ARHGEF18: variants seen among roughly 807,000 people sequenced by gnomAD.
ARHGEF18 encodes the protein Rho/Rac guanine nucleotide exchange factor 18.
A neutral mutation model predicts 155.7 loss-of-function variants in ARHGEF18; 93 were observed. The observed-to-expected ratio is 0.60, with a 90% CI of 0.50 to 0.71. ARHGEF18 has a LOEUF of 0.71. Ranked by LOEUF, ARHGEF18 falls within the 30% of genes least tolerant of loss-of-function variation. The pLI is 0.00. For synonymous variants in ARHGEF18, 742 were observed against 753.1 expected, an observed-to-expected ratio of 0.99 and a Z score of 0.24; for missense variants, 1,593 against 1,816.1, an observed-to-expected ratio of 0.88 and a Z score of 2.23.
chr19:7,429,052 G>T (rs1350129706), intron 10 of ARHGEF18, among the ~76,000 whole-genome samples: 2 of 152,244 alleles, frequency 1.3e-5, no homozygotes, highest in African/African-American at 4.8e-5. Context: ...ACGCCATGCA[G>T]AAGGACTCTG....
chr19:7,401,442 C>T (rs549965136), intron 10 of ARHGEF18, among the ~76,000 whole-genome samples: 3 of 152,282 alleles, frequency 2.0e-5, no homozygotes, highest in African/African-American at 7.2e-5. Flanking sequence ...CACACCATCA[C>T]GCCTGGCTAA....
chr19:7,391,315 C>G (rs1568291343), intron 10 of ARHGEF18, among the ~76,000 whole-genome samples: 1 of 152,156 alleles, frequency 6.6e-6, no homozygotes, highest in Non-Finnish European at 1.5e-5. Flanking sequence ...GTTAAACAAA[C>G]AGAACAGAGA....
chr19:7,389,171 G>C (rs940292558), intron 10 of ARHGEF18, among the ~76,000 whole-genome samples: 2 of 145,518 alleles, frequency 1.4e-5, no homozygotes, highest in African/African-American at 5.1e-5. Flanking sequence ...TTTTTTTTGA[G>C]ACAGAGTCTC....
Position 7,467,502 on chromosome 19 carries a change from G to A in ARHGEF18, c.3298G>A (p.Glu1100Lys), listed in dbSNP as rs994341440. The change falls in exon 26 of 29, where the codon GAG (glutamate) becomes AAG (lysine). Residue 1100 changes from glutamate (E) to lysine (K), a missense_variant. By Grantham distance (56) the Glu-to-Lys change is moderately conservative. Coordinates refer to ENST00000668164, the MANE Select transcript of ARHGEF18 (RefSeq NM_001367823.1). ...CGAGGGCGAGGCGCGGCAGCTACGC[G>A]AGCGGCTGGAGCAGGAGCGGGCCGA... ...EREGEARQLR[E>K]RLEQERAELE... The A allele has an allele frequency of 1.3e-5, 19 of 1,431,206 alleles. No homozygotes were observed. In the African/African-American group the frequency reaches 2.4e-4, roughly 18 times the overall value. The allele number at this position is 1,431,206 out of a possible 1,614,324, so 88.7% of individuals were successfully genotyped here.
At chr19:7,382,327 A>G (rs1970784746) in intron 8 of ARHGEF18, among the ~76,000 whole-genome samples, 1 of 151,910 alleles carries the variant, frequency 6.6e-6, no homozygotes, top group Non-Finnish European at 1.5e-5. Flanking sequence ...ACCTGGAGGC[A>G]GAGGCTGCAG....
chr19:7,422,650 C>A (rs773907325), intron 10 of ARHGEF18, among the ~76,000 whole-genome samples: 11 of 151,810 alleles, frequency 7.2e-5, no homozygotes, highest in Non-Finnish European at 1.6e-4. Flanking sequence ...CTGGGCTCCT[C>A]TGGACTGGAG....
At position 7,462,393 on chromosome 19, in the gene ARHGEF18, AC is replaced by A; in HGVS notation, c.2635+63del. 6.7e-7 allele frequency: 1 copy of A among 1,487,848 alleles called. No homozygotes were observed. The highest frequency in any genetic ancestry group is 8.9e-7 in the Non-Finnish European group (1 of 1,120,452). 92.2% of individuals were successfully genotyped at this position (1,487,848 alleles called of 1,614,324 possible). A position where few individuals can be genotyped will look rare whatever the true frequency, so the allele number is the denominator to read the frequency against. ...CTTGCCGGGGTGGGCTCCTCAGGGAACCCCAGGCCAGGCTCACGGCTCATTG... is the reference window on the plus strand; with the variant it reads ...CTTGCCGGGGTGGGCTCCTCAGGGAACCCAGGCCAGGCTCACGGCTCATTG... On this transcript the variant is annotated intron_variant, in intron 21 of 28. Coordinates refer to ENST00000668164, the MANE Select transcript of ARHGEF18 (RefSeq NM_001367823.1). This position sits in a 1 kb window ranked among gnomAD's most constrained non-coding sequence, Gnocchi z 4.4.
chr19:7,461,681 T>G (rs980686006), intron 20 of ARHGEF18, among the ~76,000 whole-genome samples: 8 of 152,184 alleles, frequency 5.3e-5, no homozygotes, highest in African/African-American at 1.9e-4. Flanking sequence ...GATTTTATTT[T>G]ATTTCTTTTA....
rs1976691255 is a variant in ARHGEF18 at position 7,467,252 on chromosome 19, G to C, written c.3048G>C (p.Gln1016His). 2 of 1,574,198 alleles carry C rather than the reference G, an allele frequency of 1.3e-6. No homozygotes were observed. Among genetic ancestry groups the C allele is most frequent in the African/African-American group, 2.7e-5 (2 of 73,904 alleles). ...IAHQDSYVET[Q>H]RAAIQEREKQ... The stretch of plus-strand genomic sequence containing the variant: ...ACCAGGACAGCTATGTGGAGACGCA[G>C]CGGGCTGCCATCCAGGAGCGGGAGA... Residue 1016 changes from glutamine (Q) to histidine (H), a missense_variant, in exon 26 of 29, where the codon CAG becomes CAC. Gln to His is a conservative substitution (Grantham distance 24). Transcript: ENST00000668164.
At chr19:7,409,542 C>T (rs1293945997) in intron 10 of ARHGEF18, among the ~76,000 whole-genome samples, 6 of 151,466 alleles carry the variant, frequency 4.0e-5, no homozygotes, top group African/African-American at 1.5e-4. Context: ...ATTCTCCTGC[C>T]TCAGCCTCCC....
chr19:7,354,751 C>T (rs1600165766), intron 1 of ARHGEF18, among the ~76,000 whole-genome samples: 1 of 152,006 alleles, frequency 6.6e-6, no homozygotes, highest in South Asian at 2.1e-4. Flanking sequence ...AAATACAAAA[C>T]TTAGCCAGTG....
chr19:7,451,872 C>G (rs368303478), intron 16 of ARHGEF18, among the ~76,000 whole-genome samples: 18 of 152,086 alleles, frequency 1.2e-4, no homozygotes, highest in African/African-American at 3.9e-4. Context: ...CAGGCGCCCA[C>G]CACCACACCT....
At chr19:7,371,278 GGAACA>G (rs1970194433) in intron 2 of ARHGEF18, among the ~76,000 whole-genome samples, 1 of 152,112 alleles carries the variant, frequency 6.6e-6, no homozygotes, top group African/African-American at 2.4e-5. Flanking sequence ...GTGTTTCATG[GGAACA>G]GAATTTTAAT....
chr19:7,453,091 TG>T (rs1263224245), intron 16 of ARHGEF18, among the ~76,000 whole-genome samples: 1 of 151,764 alleles, frequency 6.6e-6, no homozygotes, highest in Non-Finnish European at 1.5e-5. Context: ...CCCAGCTACT[TG>T]GGAGACTGAG....
chr19:7,477,096 C>G, downstream of ARHGEF18: 1 of 1,123,524 alleles, frequency 8.9e-7, no homozygotes, highest in Non-Finnish European at 1.2e-6. Flanking sequence ...ATGGGTTTCA[C>G]CACAGGCAGC....
Position 7,375,858 on chromosome 19 carries a change from G to C in ARHGEF18, c.414G>C (p.Glu138Asp). 2 of 1,234,464 alleles carry C rather than the reference G, an allele frequency of 1.6e-6. No individual in the cohort carries two copies. The highest frequency in any genetic ancestry group is 2.0e-6 in the Non-Finnish European group (2 of 988,246). The allele number at this position is 1,234,464 out of a possible 1,614,324, so 76.5% of individuals were successfully genotyped here. Residue 138 changes from glutamate to aspartate, a missense_variant, in exon 4 of 29, where the codon GAG (glutamate) becomes GAC (aspartate). By Grantham distance (45) the Glu-to-Asp change is conservative. Transcript: ENST00000668164. ...GCLSGGGTPA[E>D]SPGKECDSPK... Reference sequence around the variant, plus strand: ...TCTCTGGGGGCGGGACCCCCGCAGAGAGCCCAGGCAAGGTGGGTATAACCT... The same window carrying C: ...TCTCTGGGGGCGGGACCCCCGCAGACAGCCCAGGCAAGGTGGGTATAACCT...
At chr19:7,380,144 C>G (rs909359083) in intron 7 of ARHGEF18, among the ~76,000 whole-genome samples, 6 of 149,896 alleles carry the variant, frequency 4.0e-5, no homozygotes, top group African/African-American at 1.5e-4. Context: ...TGCCACTGCA[C>G]ACCAGCCTGA....
chr19:7,407,502 C>T (rs1330999625), intron 10 of ARHGEF18, among the ~76,000 whole-genome samples: 1 of 151,918 alleles, frequency 6.6e-6, no homozygotes. Context: ...CAATTTCAAG[C>T]GTCTGGAATT....
Position 7,467,389 on chromosome 19 carries a change from A to G in ARHGEF18, c.3185A>G (p.Gln1062Arg), listed in dbSNP as rs1260451199. The G allele has an allele frequency of 2.3e-5, 36 of 1,533,340 alleles. No homozygotes were observed. The highest frequency in any genetic ancestry group is 2.9e-5 in the Non-Finnish European group (33 of 1,145,622). 95.0% of individuals were successfully genotyped at this position (1,533,340 alleles called of 1,614,324 possible). The change falls in exon 26 of 29, where the codon CAG (glutamine) becomes CGG (arginine). Residue 1062 changes from glutamine (Q) to arginine (R), a missense_variant. Transcript: ENST00000668164. ...GCGGCCCTGGAGAAGCTGCAGAGCC[A>G]GCTGCGGCACGAGCAGCAGCGCTGG... Reference protein sequence around the residue: ...ERAALEKLQSQLRHEQQRWER... With the variant: ...ERAALEKLQSRLRHEQQRWER...
Sources: allele counts gnomAD v4.1 joint callset (sites outside exome capture counted in the v4.1 genomes callset), GRCh38; gene constraint gnomAD v4.1.1; non-coding constraint Gnocchi (gnomAD v3.1); transcripts MANE v1.5; gene names NCBI Gene and HGNC (gene_info 2026-07-23, HGNC 2026-07-21).